The following KLHL1 variants were observed in gnomAD, a reference collection of about 807,000 sequenced individuals.
KLHL1 encodes kelch-like protein 1.
In KLHL1, 47 loss-of-function variants were observed where a neutral mutation model predicts 77.7. That is an observed-to-expected ratio of 0.60 (90% CI 0.48 to 0.77). The LOEUF is 0.77. Ranked by LOEUF, KLHL1 falls within the 30% of genes least tolerant of loss-of-function variation. KLHL1 has a pLI of 0.00. For synonymous variants in KLHL1, 360 were observed against 325.2 expected (o/e 1.11, Z -1.15); for missense variants, 925 against 910.8 (o/e 1.02, Z -0.20).
intron 1 of KLHL1, among the ~76,000 whole-genome samples, chr13:70,047,125 C>T (rs536712376): frequency 6.0e-4 from 91 of 152,068 alleles, no homozygotes; most frequent in African/African-American, 2.0e-3. Flanking sequence ...CTGACCACTG[C>T]AGAATACAGG....
intron 4 of KLHL1, among the ~76,000 whole-genome samples, chr13:69,931,149 T>C (rs1349954696): frequency 6.6e-6 from 1 of 151,684 alleles, no homozygotes; most frequent in African/African-American, 2.4e-5. Flanking sequence ...TCCATCTATA[T>C]ATATTTGGAA....
At chr13:69,774,252 G>C (rs530811860) in intron 7 of KLHL1, among the ~76,000 whole-genome samples, 2 of 151,950 alleles carry the variant, frequency 1.3e-5, no homozygotes, top group South Asian at 4.1e-4. Flanking sequence ...AGTTCAAGAT[G>C]AAATTGTTTC....
chr13:69,766,051 C>A (rs1043468042), intron 7 of KLHL1, among the ~76,000 whole-genome samples: 2 of 152,214 alleles, frequency 1.3e-5, no homozygotes, highest in Admixed American at 6.5e-5. Flanking sequence ...ATCTCTATTA[C>A]ATGTGCTAAT....
chr13:69,989,945 C>A (rs1010348264), intron 1 of KLHL1, among the ~76,000 whole-genome samples: 1 of 151,856 alleles, frequency 6.6e-6, no homozygotes, highest in Non-Finnish European at 1.5e-5. Context: ...TATTTGGATG[C>A]CTTTTATTTC....
chr13:69,808,406 A>T (rs896570710), intron 6 of KLHL1, among the ~76,000 whole-genome samples: 2 of 152,068 alleles, frequency 1.3e-5, no homozygotes, highest in African/African-American at 2.4e-5. Flanking sequence ...ACAACCAACA[A>T]CATCTTAGAA....
At chr13:69,811,913 T>C (rs1388075931) in intron 6 of KLHL1, among the ~76,000 whole-genome samples, 1 of 152,198 alleles carries the variant, frequency 6.6e-6, no homozygotes, top group East Asian at 1.9e-4. Flanking sequence ...TCAGTTCTGC[T>C]CTGATCTTAG....
intron 1 of KLHL1, among the ~76,000 whole-genome samples, chr13:70,037,914 A>G (rs1886279336): frequency 6.6e-6 from 1 of 152,080 alleles, no homozygotes; most frequent in South Asian, 2.1e-4. Context: ...ACCACTTTAG[A>G]CTTTTTTATA....
At chr13:70,073,827 A>ATTTTT (rs753016733) in intron 1 of KLHL1, among the ~76,000 whole-genome samples, 1 of 140,514 alleles carries the variant, frequency 7.1e-6, no homozygotes, top group Non-Finnish European at 1.6e-5. Context: ...AGCAAACATA[A>ATTTTT]TTTTCTTTTT....
chr13:69,744,666 C>A (rs999215939), intron 7 of KLHL1, among the ~76,000 whole-genome samples: 4 of 151,640 alleles, frequency 2.6e-5, no homozygotes, highest in Non-Finnish European at 4.4e-5. Context: ...ACACCCCCCC[C>A]AAAAGCTAAC....
At chr13:69,823,462 A>G (rs917140069) in intron 6 of KLHL1, among the ~76,000 whole-genome samples, 13 of 152,018 alleles carry the variant, frequency 8.6e-5, no homozygotes, top group East Asian at 7.7e-4. Flanking sequence ...AAAAATCATT[A>G]AAATTATTTA....
At chr13:70,040,995 T>C (rs977378500) in intron 1 of KLHL1, among the ~76,000 whole-genome samples, 1 of 152,190 alleles carries the variant, frequency 6.6e-6, no homozygotes, top group African/African-American at 2.4e-5. Flanking sequence ...GTTCAGAAAT[T>C]CTTCGTTTGA....
At chr13:69,826,116 A>G (rs1593865263) in intron 6 of KLHL1, among the ~76,000 whole-genome samples, 1 of 152,328 alleles carries the variant, frequency 6.6e-6, no homozygotes, top group East Asian at 1.9e-4. Flanking sequence ...AGGAGCTAAA[A>G]AAGTCAAACT....
At position 69,796,872 on chromosome 13, in the gene KLHL1, G is replaced by A. The variant is rs756434823; in HGVS notation, c.1505C>T (p.Ala502Val). The A allele has an allele frequency of 1.9e-6, 3 of 1,614,032 alleles. No homozygotes were observed. Among genetic ancestry groups the A allele is most frequent in the Non-Finnish European group, 2.5e-6 (3 of 1,179,978 alleles). ...TACAAAGAGTTTGTCATCAATAACA[G>A]CCACACCAAACTGCAGCCTTCTGCC... is the stretch of plus-strand genomic sequence containing the variant. ...MNGRRLQFGV[A>V]VIDDKLFVIG... Residue 502 changes from alanine (A) to valine (V), a missense_variant, in exon 7 of 11, where the codon GCT (alanine) becomes GTT (valine). Physicochemically the swap from Ala to Val is moderately conservative, Grantham distance 64 (BLOSUM62 0). Transcript: ENST00000377844.
intron 6 of KLHL1, among the ~76,000 whole-genome samples, chr13:69,797,383 G>A (rs1593841301): frequency 6.6e-6 from 1 of 152,284 alleles, no homozygotes; most frequent in East Asian, 1.9e-4. Flanking sequence ...ATTTCTGAAA[G>A]TTAATTCAAT....
At chr13:70,007,528 A>C (rs1323889972) in intron 1 of KLHL1, among the ~76,000 whole-genome samples, 1 of 151,986 alleles carries the variant, frequency 6.6e-6, no homozygotes, top group Non-Finnish European at 1.5e-5. Flanking sequence ...TCTAGGTAAA[A>C]GCAGTGTAGC....
intron 10 of KLHL1, among the ~76,000 whole-genome samples, chr13:69,704,775 G>T (rs1038960261): frequency 2.0e-5 from 3 of 151,570 alleles, no homozygotes; most frequent in Admixed American, 6.6e-5. Context: ...CCCTCCAGGG[G>T]TTGTACCTTT....
chr13:69,741,584 G>C (rs1318458098), intron 7 of KLHL1, among the ~76,000 whole-genome samples: 1 of 152,004 alleles, frequency 6.6e-6, no homozygotes, highest in Non-Finnish European at 1.5e-5. Flanking sequence ...ATTCCCATAG[G>C]GTGATCCAAA....
At chr13:69,782,374 T>A (rs548543758) in intron 7 of KLHL1, among the ~76,000 whole-genome samples, 1 of 152,348 alleles carries the variant, frequency 6.6e-6, no homozygotes, top group East Asian at 1.9e-4. Flanking sequence ...ATTGCCTCAC[T>A]CGGGAAGCGC....
chr13:69,772,100 T>A (rs1037227581), intron 7 of KLHL1, among the ~76,000 whole-genome samples: 1 of 151,994 alleles, frequency 6.6e-6, no homozygotes, highest in African/African-American at 2.4e-5. Context: ...TACAGGCGCC[T>A]GCCACCACGC....
Sources: allele counts gnomAD v4.1 joint callset (sites outside exome capture counted in the v4.1 genomes callset), GRCh38; gene constraint gnomAD v4.1.1; transcripts MANE v1.5; gene names NCBI Gene and HGNC (gene_info 2026-07-23, HGNC 2026-07-21).